The following SHTN1 variants were observed in gnomAD, a reference collection of about 807,000 sequenced individuals.
The protein encoded by SHTN1 is shootin 1.
Under a neutral mutation model 83.1 loss-of-function variants are expected in SHTN1, and 42 were observed. That is an observed-to-expected ratio of 0.51 (90% CI 0.39 to 0.65). The LOEUF is 0.65. Ranked by LOEUF, SHTN1 falls within the 30% of genes least tolerant of loss-of-function variation. SHTN1 has a pLI of 0.00. For missense variants in SHTN1, 622 were observed against 737.8 expected, an observed-to-expected ratio of 0.84 and a Z score of 1.82; for synonymous variants, 224 against 247.7, an observed-to-expected ratio of 0.90 and a Z score of 0.90.
rs1383882020 is a variant in SHTN1 at position 116,884,546 on chromosome 10, G to A, written c.*1798C>T. ...TTGATAACCATATTATTCTGTGATG[G>A]TGTGATGAAATATGGAAAGACAGTG... is the stretch of plus-strand genomic sequence containing the variant. On this transcript the variant is annotated 3_prime_UTR_variant, in exon 17 of 17. Coordinates refer to ENST00000355371, the MANE Select transcript of SHTN1 (RefSeq NM_001127211.3). 1.4e-5 allele frequency: 4 copies of A among 288,656 alleles called. No individual in the cohort carries two copies. The highest frequency in any genetic ancestry group is 3.2e-5 in the South Asian group (1 of 31,528). The allele number at this position is 288,656 out of a possible 1,614,324, so 17.9% of individuals were successfully genotyped here.
intron 9 of SHTN1, among the ~76,000 whole-genome samples, chr10:116,937,798 C>T (rs1392047907): frequency 1.3e-5 from 2 of 152,096 alleles, no homozygotes; most frequent in African/African-American, 2.4e-5. Context: ...TTCCAGTACA[C>T]CAATCAAACG....
intron 2 of SHTN1, among the ~76,000 whole-genome samples, chr10:117,017,463 C>A (rs1338629879): frequency 1.4e-5 from 2 of 146,598 alleles, no homozygotes; most frequent in Non-Finnish European, 3.0e-5. Context: ...TGCACTCCAG[C>A]CTGGGCGACA....
rs1851359603 is a variant in SHTN1, at chr10:116,989,933, CAT to C, written c.59-10627_59-10626del. Among the ~76,000 whole-genome samples the C allele has an allele frequency of 2.0e-5, 3 of 152,248 alleles. No homozygotes were observed. The South Asian group carries it at 6.2e-4, about 32-fold the overall frequency. Reference sequence around the variant, plus strand: ...TAATTTCTTCTCCCTTTCATTTTGGCATAGTTGGCAGGAAATTCTGGGCCACT... The same window carrying C: ...TAATTTCTTCTCCCTTTCATTTTGGCAGTTGGCAGGAAATTCTGGGCCACT... On this transcript the variant is annotated intron_variant, in intron 1 of 16. Transcript: ENST00000355371.
intron 1 of SHTN1, among the ~76,000 whole-genome samples, chr10:117,118,236 G>T (rs969856819): frequency 2.0e-5 from 3 of 151,828 alleles, no homozygotes; most frequent in South Asian, 2.1e-4. Context: ...TTAAAAAAGG[G>T]CAAAAGATCT....
intron 3 of SHTN1, among the ~76,000 whole-genome samples, chr10:116,963,233 G>A (rs1410246052): frequency 1.3e-5 from 2 of 149,928 alleles, no homozygotes; most frequent in Admixed American, 6.6e-5. Flanking sequence ...CATCACGCCC[G>A]GCTAATTTTT....
At chr10:116,903,575 G>A (rs1847837051) in intron 15 of SHTN1, among the ~76,000 whole-genome samples, 1 of 152,084 alleles carries the variant, frequency 6.6e-6, no homozygotes, top group Non-Finnish European at 1.5e-5. Flanking sequence ...GCCTCATGTT[G>A]CATGGAGCTG....
chr10:116,890,537 A>G (rs1452552652), intron 16 of SHTN1, among the ~76,000 whole-genome samples: 1 of 152,240 alleles, frequency 6.6e-6, no homozygotes, highest in East Asian at 1.9e-4. Flanking sequence ...CCATTCATAT[A>G]GATATTTTTC....
intron 3 of SHTN1, among the ~76,000 whole-genome samples, chr10:116,965,516 C>CA (rs1269172297): frequency 2.0e-5 from 3 of 152,046 alleles, no homozygotes; most frequent in African/African-American, 7.2e-5. Flanking sequence ...GACTCCGTCT[C>CA]AAAAAAAGAT....
At chr10:116,980,928 T>C (rs1021681493) in intron 1 of SHTN1, among the ~76,000 whole-genome samples, 3 of 152,184 alleles carry the variant, frequency 2.0e-5, no homozygotes, top group Non-Finnish European at 4.4e-5. Context: ...TAAACAAGAA[T>C]AGACAATTTT....
intron 1 of SHTN1, among the ~76,000 whole-genome samples, chr10:116,989,037 T>C (rs764548540): frequency 2.6e-5 from 4 of 152,184 alleles, no homozygotes; most frequent in Admixed American, 6.5e-5. Flanking sequence ...GAATGTGTCC[T>C]GTACCCCAAA....
chr10:117,058,997 T>A (rs1005761268), intron 1 of SHTN1, among the ~76,000 whole-genome samples: 7 of 152,140 alleles, frequency 4.6e-5, no homozygotes, highest in African/African-American at 1.7e-4. Context: ...AAATGGTTAT[T>A]GTTAAATGGG....
chr10:117,012,382 T>C (rs1852120112), intron 2 of SHTN1, among the ~76,000 whole-genome samples: 1 of 152,020 alleles, frequency 6.6e-6, no homozygotes, highest in Admixed American at 6.6e-5. Flanking sequence ...AAAGCTACAA[T>C]AATTAAGACA....
At chr10:116,955,926 C>CTCT (rs1407175949) in intron 4 of SHTN1, among the ~76,000 whole-genome samples, 3 of 152,178 alleles carry the variant, frequency 2.0e-5, no homozygotes, top group African/African-American at 7.2e-5. Context: ...TTCCCAACAC[C>CTCT]TCTTCCTTAA....
chr10:116,940,995 A>C (rs1849350021), intron 8 of SHTN1, among the ~76,000 whole-genome samples: 1 of 152,246 alleles, frequency 6.6e-6, no homozygotes, highest in Non-Finnish European at 1.5e-5. Flanking sequence ...TGCTTCTACT[A>C]TGAATAGGTA....
intron 2 of SHTN1, among the ~76,000 whole-genome samples, chr10:117,020,966 A>AT (rs1852251461): frequency 6.6e-6 from 1 of 152,242 alleles, no homozygotes; most frequent in South Asian, 2.1e-4. Flanking sequence ...CAACTCAGTA[A>AT]TTAAAAAAAA....
chr10:116,948,971 A>T lies in SHTN1; in HGVS notation c.561T>A (p.Thr187=), dbSNP rs1422142334. The change falls in exon 7 of 17, where the codon ACT becomes ACA. Residue 187 remains threonine (T), a synonymous_variant. Transcript: ENST00000355371. Reference sequence around the variant, plus strand: ...GTTCAAGAACTTCTGAATTTAAAACAGTCTTTTCTTGTTTAACTTTATTTA... The same window carrying T: ...GTTCAAGAACTTCTGAATTTAAAACTGTCTTTTCTTGTTTAACTTTATTTA... ...EEVNKVKQEK[T]VLNSEVLEQR... is the part of the protein sequence containing the mutation. 6.4e-7 allele frequency: 1 copy of T among 1,568,920 alleles called. No individual in the cohort carries two copies. Among genetic ancestry groups the T allele is most frequent in the African/African-American group, 1.4e-5 (1 of 73,538 alleles).
At chr10:116,982,656 A>G (rs1851066732) in intron 1 of SHTN1, among the ~76,000 whole-genome samples, 1 of 152,140 alleles carries the variant, frequency 6.6e-6, no homozygotes, top group Non-Finnish European at 1.5e-5. Flanking sequence ...GAATTTGCCA[A>G]TGCTAAAGAG....
Position 116,901,875 on chromosome 10 carries a change from C to T in SHTN1, c.1563G>A (p.Leu521=). 1.9e-6 allele frequency: 3 copies of T among 1,608,030 alleles called. No individual in the cohort carries two copies. Among genetic ancestry groups the T allele is most frequent in the Non-Finnish European group, 1.7e-6 (2 of 1,178,246 alleles). Residue 521 remains leucine, a synonymous_variant, in exon 16 of 17, where the codon TTG becomes TTA. Transcript: ENST00000355371. The part of the protein sequence containing the change: ...GSVSSVTKTA[L]NKKTLEAEFN... ...ATTCTGCCTCCAGAGTTTTCTTGTTCAAGGCTGTTTTTGTTACACTGGATA... is the reference window on the plus strand; with the variant it reads ...ATTCTGCCTCCAGAGTTTTCTTGTTTAAGGCTGTTTTTGTTACACTGGATA...
chr10:117,059,296 G>A (rs1162120438), intron 1 of SHTN1, among the ~76,000 whole-genome samples: 1 of 152,172 alleles, frequency 6.6e-6, no homozygotes, highest in Non-Finnish European at 1.5e-5. Flanking sequence ...CTGGGAAACA[G>A]TTTGGCAGTT....
Sources: gnomAD v4.1 joint callset for allele counts (sites outside exome capture counted in the v4.1 genomes callset) on GRCh38, gnomAD v4.1.1 for gene constraint, MANE v1.5 for transcripts, NCBI Gene and HGNC (gene_info 2026-07-23, HGNC 2026-07-21) for gene names.